Variants in CWC27 observed in about 807,000 individuals in gnomAD.
CWC27 encodes the protein CWC27 spliceosome associated cyclophilin.
Under a neutral mutation model 63.6 loss-of-function variants are expected in CWC27, and 47 were observed. The ratio of observed to expected loss-of-function variants is 0.74; its 90% CI spans 0.58 to 0.94. The LOEUF (loss-of-function observed/expected upper bound fraction) is 0.94. CWC27 is among the 40% of genes least tolerant of loss of function. The pLI is 0.00. For missense variants in CWC27, 495 were observed against 554.3 expected, an observed-to-expected ratio of 0.89 and a Z score of 1.07; for synonymous variants, 175 against 179.8, an observed-to-expected ratio of 0.97 and a Z score of 0.22.
chr5:64,905,791 T>G (rs1747623965), intron 11 of CWC27, among the ~76,000 whole-genome samples: 1 of 151,374 alleles, frequency 6.6e-6, no homozygotes, highest in South Asian at 2.1e-4. Flanking sequence ...AACTTGTCAT[T>G]TATGTTAGAT....
At chr5:64,852,076 T>C (rs1294114141) in intron 10 of CWC27, among the ~76,000 whole-genome samples, 1 of 152,232 alleles carries the variant, frequency 6.6e-6, no homozygotes, top group African/African-American at 2.4e-5. Flanking sequence ...TACTTCTCTT[T>C]CTACTACTAG....
intron 11 of CWC27, among the ~76,000 whole-genome samples, chr5:64,924,545 C>G (rs1474185857): frequency 6.6e-6 from 1 of 152,202 alleles, no homozygotes; most frequent in Non-Finnish European, 1.5e-5. Context: ...TAACGGCAGT[C>G]TTCTTTTATC....
intron 13 of CWC27, among the ~76,000 whole-genome samples, chr5:64,989,934 G>T (rs2112457220): frequency 6.6e-6 from 1 of 151,862 alleles, no homozygotes; most frequent in East Asian, 1.9e-4. Flanking sequence ...CTTAAATCAA[G>T]CTAATAAAAG....
chr5:64,888,510 ATAT>A (rs911069910), intron 11 of CWC27, among the ~76,000 whole-genome samples: 5 of 130,554 alleles, frequency 3.8e-5, no homozygotes, highest in South Asian at 5.0e-4. Context: ...CAAATAGCAT[ATAT>A]TATTATTTAT....
chr5:64,801,236 G>A (rs1455086551), intron 8 of CWC27, 66 bp from the exon 9 acceptor site: 11 of 1,301,644 alleles, frequency 8.5e-6, no homozygotes, highest in Non-Finnish European at 1.1e-5. Context: ...TAGATTTTTG[G>A]GTTACAAAAT....
intron 10 of CWC27, among the ~76,000 whole-genome samples, chr5:64,812,608 T>G (rs1010575929): frequency 3.9e-5 from 6 of 152,178 alleles, no homozygotes; most frequent in African/African-American, 1.4e-4. Flanking sequence ...AGTCTCAGGT[T>G]TAATGAAATT....
At chr5:64,944,211 A>G (rs1261476619) in intron 11 of CWC27, among the ~76,000 whole-genome samples, 2 of 151,884 alleles carry the variant, frequency 1.3e-5, no homozygotes, top group East Asian at 1.9e-4. Flanking sequence ...TTGTCTCCAC[A>G]TCCCCCTCTA....
At chr5:64,938,893 G>T (rs921643635) in intron 11 of CWC27, among the ~76,000 whole-genome samples, 1 of 151,914 alleles carries the variant, frequency 6.6e-6, no homozygotes, top group Non-Finnish European at 1.5e-5. Flanking sequence ...ACGCTTGATC[G>T]GTTCTGCTAT....
chr5:64,952,924 A>G (rs1380069718), intron 11 of CWC27, among the ~76,000 whole-genome samples: 5 of 152,146 alleles, frequency 3.3e-5, no homozygotes, highest in African/African-American at 4.8e-5. Flanking sequence ...TTAGTCTGCT[A>G]TAGAAAACAA....
rs530384877 is a variant in CWC27 at position 64,847,292 on chromosome 5, A to C, written c.939-38151A>C. 7.2e-5 allele frequency among the ~76,000 whole-genome samples: 11 copies of C among 152,292 alleles called. No individual in the cohort carries two copies. The South Asian group carries it at 2.3e-3, about 32-fold the overall frequency. On this transcript the variant is annotated intron_variant, in intron 10 of 13. Coordinates refer to ENST00000381070, the MANE Select transcript of CWC27 (RefSeq NM_005869.4). The stretch of plus-strand genomic sequence containing the variant: ...AGTCAAAACCCATAAAATGAGACAA[A>C]GGACATTACACAATGATGAAGGGGT...
chr5:64,920,868 G>A (rs754865133), intron 11 of CWC27, among the ~76,000 whole-genome samples: 5 of 151,776 alleles, frequency 3.3e-5, no homozygotes, highest in Non-Finnish European at 7.4e-5. Context: ...AATCTACCTA[G>A]GGGTCTATCA....
intron 10 of CWC27, among the ~76,000 whole-genome samples, chr5:64,842,075 T>G (rs1162087654): frequency 2.0e-5 from 3 of 152,224 alleles, no homozygotes; most frequent in Non-Finnish European, 4.4e-5. Context: ...AATGTTTTAA[T>G]AGAATATAGC....
intron 10 of CWC27, among the ~76,000 whole-genome samples, chr5:64,815,970 A>G (rs1745015612): frequency 6.6e-6 from 1 of 152,210 alleles, no homozygotes; most frequent in South Asian, 2.1e-4. Context: ...GGAGTTGTAT[A>G]GAATCCAGAT....
intron 10 of CWC27, among the ~76,000 whole-genome samples, chr5:64,862,382 C>A (rs934255798): frequency 7.1e-6 from 1 of 140,208 alleles, no homozygotes; most frequent in Non-Finnish European, 1.6e-5. Flanking sequence ...ACAAACAAAA[C>A]CCTAGAAGAA....
At chr5:64,848,884 C>T (rs1477506822) in intron 10 of CWC27, among the ~76,000 whole-genome samples, 1 of 152,156 alleles carries the variant, frequency 6.6e-6, no homozygotes, top group African/African-American at 2.4e-5. Context: ...ATAATATACT[C>T]AATGGTGAAA....
intron 2 of CWC27, among the ~76,000 whole-genome samples, chr5:64,778,152 A>G (rs994758062): frequency 1.3e-5 from 2 of 152,222 alleles, no homozygotes; most frequent in South Asian, 2.1e-4. Flanking sequence ...CAGGTAACAT[A>G]TATCTGGGTT....
chr5:64,837,196 GT>G (rs1745679689), intron 10 of CWC27, among the ~76,000 whole-genome samples: 1 of 152,030 alleles, frequency 6.6e-6, no homozygotes. Context: ...CAGCTATTAG[GT>G]TTAAGAATTT....
At chr5:64,778,309 TTCTC>T (rs141859352) in intron 2 of CWC27, among the ~76,000 whole-genome samples, 17 of 150,574 alleles carry the variant, frequency 1.1e-4, no homozygotes, top group South Asian at 8.4e-4. Flanking sequence ...CTTGCTTTCT[TTCTC>T]TCTCTCTCTC....
rs188036853 is a variant in CWC27, at chr5:64,880,041, G to T, written c.939-5402G>T. ...CACTGCTTGGATGCGTCTTCATTCT[G>T]TCTGTAAATAGCTAATTCCTACTTA... On this transcript the variant is annotated intron_variant, in intron 10 of 13. Transcript: ENST00000381070. Among the ~76,000 whole-genome samples the T allele has an allele frequency of 1.6e-4, 24 of 152,050 alleles. No individual in the cohort carries two copies. The East Asian group carries it at 1.9e-3, about 12-fold the overall frequency.
Sources: allele counts gnomAD v4.1 joint callset (sites outside exome capture counted in the v4.1 genomes callset), GRCh38; gene constraint gnomAD v4.1.1; transcripts MANE v1.5; gene names NCBI Gene and HGNC (gene_info 2026-07-23, HGNC 2026-07-21).